ATP11A: variants seen among roughly 807,000 people sequenced by gnomAD.
ATP11A encodes the protein ATPase phospholipid transporting 11A.
In ATP11A, 81 loss-of-function variants were observed where a neutral mutation model predicts 154.4. The observed-to-expected ratio is 0.52, with a 90% CI of 0.44 to 0.63. ATP11A has a LOEUF of 0.63. Ranked by LOEUF, ATP11A falls within the 30% of genes least tolerant of loss-of-function variation. The pLI, the probability that ATP11A is intolerant of heterozygous loss-of-function variation, is 0.00. For synonymous variants in ATP11A, 623 were observed against 585.9 expected (o/e 1.06, Z -0.91); for missense variants, 1,316 against 1,474.3 (o/e 0.89, Z 1.76).
At chr13:112,811,045 C>T (rs968722289) in intron 5 of ATP11A, among the ~76,000 whole-genome samples, 7 of 150,746 alleles carry the variant, frequency 4.6e-5, no homozygotes, top group African/African-American at 1.7e-4. Flanking sequence ...GGCCCAAGCT[C>T]CCTACTTCTT....
chr13:112,799,869 G>T (rs1267605474), intron 2 of ATP11A, among the ~76,000 whole-genome samples: 1 of 152,038 alleles, frequency 6.6e-6, no homozygotes, highest in East Asian at 1.9e-4. Flanking sequence ...AATTAAACTA[G>T]AAATAAATAA....
chr13:112,812,645 C>T (rs763562300), intron 5 of ATP11A, among the ~76,000 whole-genome samples: 13 of 152,266 alleles, frequency 8.5e-5, no homozygotes, highest in African/African-American at 2.4e-4. Context: ...AACCCCCCAC[C>T]GCTCACCTTG....
chr13:112,766,455 C>T (rs1237113795), intron 1 of ATP11A, among the ~76,000 whole-genome samples: 2 of 152,270 alleles, frequency 1.3e-5, no homozygotes. Flanking sequence ...ATTCCTGGGA[C>T]CCTCTCTTTC....
chr13:112,857,405 G>GA, intron 20 of ATP11A, among the ~76,000 whole-genome samples: 1 of 152,256 alleles, frequency 6.6e-6, no homozygotes, highest in Admixed American at 6.5e-5. Context: ...GAAGTACCTT[G>GA]GAATAGTGAT....
rs184873940 is a variant in ATP11A, at chr13:112,837,776, G to A, written c.1705+1525G>A. 5.9e-5 allele frequency among the ~76,000 whole-genome samples: 9 copies of A among 152,174 alleles called. No homozygotes were observed. The South Asian group carries it at 6.2e-4, about 11-fold the overall frequency. ...ACAGAGCAGGGCCATCATCAGTGCC[G>A]TCGGGCACCCTTCGGATCAGGACCA... On this transcript the variant is annotated intron_variant, in intron 16 of 29. Coordinates refer to ENST00000375645, the MANE Select transcript of ATP11A (RefSeq NM_015205.3).
intron 1 of ATP11A, among the ~76,000 whole-genome samples, chr13:112,760,622 C>G (rs2076941332): frequency 6.6e-6 from 1 of 152,056 alleles, no homozygotes; most frequent in Non-Finnish European, 1.5e-5. Flanking sequence ...ATCAGCTGGC[C>G]CTGTTCCCTC....
At chr13:112,763,478 A>G (rs570478189) in intron 1 of ATP11A, among the ~76,000 whole-genome samples, 3 of 152,236 alleles carry the variant, frequency 2.0e-5, no homozygotes, top group South Asian at 2.1e-4. Context: ...CTCAAAATAC[A>G]TTTCATTGAC....
intron 2 of ATP11A, among the ~76,000 whole-genome samples, chr13:112,801,852 C>G (rs762329060): frequency 6.6e-6 from 1 of 152,192 alleles, no homozygotes; most frequent in African/African-American, 2.4e-5. Flanking sequence ...GTCAGTTCTT[C>G]CCACTTTGAC....
chr13:112,793,653 C>T (rs532697564), intron 2 of ATP11A, among the ~76,000 whole-genome samples: 3 of 152,342 alleles, frequency 2.0e-5, no homozygotes, highest in African/African-American at 7.2e-5. Flanking sequence ...GGCTGCTTGT[C>T]CCAAGCAGAT....
chr13:112,862,386 G>A, intron 24 of ATP11A, 54 bp from the exon 25 acceptor site: 2 of 1,604,704 alleles, frequency 1.2e-6, no homozygotes, highest in Non-Finnish European at 1.7e-6. Context: ...GCCTGGGGGA[G>A]GTGCCGGGCC....
intron 1 of ATP11A, among the ~76,000 whole-genome samples, chr13:112,764,850 A>G (rs914617005): frequency 6.6e-6 from 1 of 152,126 alleles, no homozygotes; most frequent in African/African-American, 2.4e-5. Context: ...ATCCCAGAAG[A>G]TCAGTAATAG....
At chr13:112,832,091 A>T (rs2079109598) in intron 13 of ATP11A, among the ~76,000 whole-genome samples, 1 of 151,846 alleles carries the variant, frequency 6.6e-6, no homozygotes, top group Non-Finnish European at 1.5e-5. Context: ...ACGTACTCTC[A>T]CACACGCCCA....
chr13:112,838,171 T>C lies in ATP11A; in HGVS notation c.1705+1920T>C, dbSNP rs189165284. Reference sequence around the variant, plus strand: ...GACAGGGTCTGAGAACAGGTTCAGATGCGCGAGACTTCTGTGTGTCAGAAC... The same window carrying C: ...GACAGGGTCTGAGAACAGGTTCAGACGCGCGAGACTTCTGTGTGTCAGAAC... On this transcript the variant is annotated intron_variant, in intron 16 of 29. Coordinates refer to ENST00000375645, the MANE Select transcript of ATP11A (RefSeq NM_015205.3). This position sits in a 1 kb window ranked among gnomAD's most constrained non-coding sequence, Gnocchi z 7.3. 1.5e-3 allele frequency among the ~76,000 whole-genome samples: 222 copies of C among 152,222 alleles called. 3 individuals carry two copies. Among genetic ancestry groups the C allele is most frequent in the Admixed American group, 0.01 (160 of 15,290 alleles).
chr13:112,745,782 A>G (rs1444051221), intron 1 of ATP11A: 2 of 152,064 alleles, frequency 1.3e-5, no homozygotes, highest in South Asian at 2.1e-4. Context: ...TTGTAAAAAA[A>G]GCATGCATGG....
At chr13:112,850,999 C>T (rs2079748340) in intron 17 of ATP11A, 38 bp from the exon 18 acceptor site, 2 of 1,591,176 alleles carry the variant, frequency 1.3e-6, no homozygotes, top group African/African-American at 1.3e-5. Flanking sequence ...GCAAGTGACA[C>T]CTTGAATTCG....
chr13:112,834,460 A>T (rs1232032189), intron 14 of ATP11A, 129 bp from the exon 15 acceptor site: 17 of 666,178 alleles, frequency 2.6e-5, no homozygotes, highest in Non-Finnish European at 4.1e-5. Context: ...AATGCAGTTT[A>T]TAATCTCTGT....
intron 1 of ATP11A, among the ~76,000 whole-genome samples, chr13:112,762,368 G>T (rs2076982613): frequency 6.6e-6 from 1 of 152,136 alleles, no homozygotes; most frequent in Admixed American, 6.5e-5. Flanking sequence ...AGTATGAGCT[G>T]GGACCTGAAA....
chr13:112,817,328 C>A (rs2078672588), intron 6 of ATP11A, among the ~76,000 whole-genome samples: 1 of 152,150 alleles, frequency 6.6e-6, no homozygotes, highest in Admixed American at 6.5e-5. Flanking sequence ...GCTAGTCTTT[C>A]ATAGATAATT....
Position 112,871,765 on chromosome 13 carries a change from G to C in ATP11A, c.3022G>C (p.Val1008Leu). 1.9e-6 allele frequency: 3 copies of C among 1,614,174 alleles called. No homozygotes were observed. In the South Asian group the frequency reaches 3.3e-5, roughly 18 times the overall value. Residue 1008 changes from valine (V) to leucine (L), a missense_variant, in exon 26 of 30, where the codon GTA (valine) becomes CTA (leucine). Val to Leu is a conservative substitution (Grantham distance 32, BLOSUM62 1). Coordinates refer to ENST00000375645, the MANE Select transcript of ATP11A (RefSeq NM_015205.3). ...TGGAAACTGGACGTTTGGAACGCTG[G>C]TATTCACCGTGATGGTGTTCACAGT... Reference protein sequence around the residue: ...IFGNWTFGTLVFTVMVFTVTL... With the variant: ...IFGNWTFGTLLFTVMVFTVTL...
Sources: allele counts gnomAD v4.1 joint callset (sites outside exome capture counted in the v4.1 genomes callset), GRCh38; gene constraint gnomAD v4.1.1; non-coding constraint Gnocchi (gnomAD v3.1); transcripts MANE v1.5; gene names NCBI Gene and HGNC (gene_info 2026-07-23, HGNC 2026-07-21).